The following XKR9 variants were observed in gnomAD, a reference collection of about 807,000 sequenced individuals.
XKR9 encodes XK-related protein 9.
Under a neutral mutation model 32.0 loss-of-function variants are expected in XKR9, and 32 were observed. The observed-to-expected ratio is 1.00, with a 90% CI of 0.76 to 1.34. The LOEUF is 1.34. Ranked by LOEUF, XKR9 falls within the 40% of genes most tolerant of loss-of-function variation. The pLI is 0.00. For missense variants in XKR9, 546 were observed against 429.7 expected, an observed-to-expected ratio of 1.27 and a Z score of -2.39; for synonymous variants, 168 against 143.4, an observed-to-expected ratio of 1.17 and a Z score of -1.22.
At chr8:70,888,409 C>T in the XKR9 span, among the ~76,000 whole-genome samples, 1 of 151,540 alleles carries the variant, frequency 6.6e-6, no homozygotes. Flanking sequence ...CAGGTTGTTT[C>T]TTCAGTCTGT....
chr8:70,816,841 T>G, the XKR9 span, among the ~76,000 whole-genome samples: 2 of 152,130 alleles, frequency 1.3e-5, no homozygotes, highest in Non-Finnish European at 2.9e-5. Context: ...TAATTGTGAT[T>G]CACCACATAA....
chr8:70,795,391 T>A, the XKR9 span, among the ~76,000 whole-genome samples: 1 of 152,206 alleles, frequency 6.6e-6, no homozygotes, highest in South Asian at 2.1e-4. Context: ...GTATTTAGGT[T>A]GATTCCATGT....
chr8:70,889,034 T>A, the XKR9 span, among the ~76,000 whole-genome samples: 2 of 152,000 alleles, frequency 1.3e-5, no homozygotes, highest in African/African-American at 2.4e-5. Flanking sequence ...CGCAGATTGC[T>A]TTTGGTAGTA....
At chr8:70,770,316 C>T (rs1459901424) in intron 2 of XKR9, among the ~76,000 whole-genome samples, 1 of 152,186 alleles carries the variant, frequency 6.6e-6, no homozygotes, top group Admixed American at 6.5e-5. Flanking sequence ...CCTCTGGAAT[C>T]TTCATCCCAG....
At chr8:70,826,848 C>T in the XKR9 span, among the ~76,000 whole-genome samples, 2 of 152,010 alleles carry the variant, frequency 1.3e-5, no homozygotes, top group African/African-American at 2.4e-5. Flanking sequence ...TTGTAATATA[C>T]ATTCATATTC....
chr8:70,717,878 G>A (rs2132207129), intron 4 of XKR9, among the ~76,000 whole-genome samples: 1 of 152,192 alleles, frequency 6.6e-6, no homozygotes, highest in Non-Finnish European at 1.5e-5. Flanking sequence ...TTGCTGCTTA[G>A]AAATTTCTTC....
At chr8:70,975,411 C>A in the XKR9 span, among the ~76,000 whole-genome samples, 5 of 152,008 alleles carry the variant, frequency 3.3e-5, no homozygotes, top group African/African-American at 9.7e-5. Flanking sequence ...CTTGAATTGT[C>A]TTTTGTATAA....
the XKR9 span, among the ~76,000 whole-genome samples, chr8:70,823,552 T>A: frequency 6.6e-6 from 1 of 152,234 alleles, no homozygotes; most frequent in Admixed American, 6.5e-5. Flanking sequence ...TTTCTGCTTA[T>A]CTCTGATAGG....
chr8:70,916,707 CTT>C, the XKR9 span, among the ~76,000 whole-genome samples: 1 of 152,052 alleles, frequency 6.6e-6, no homozygotes, highest in African/African-American at 2.4e-5. Flanking sequence ...TTTGAATTGA[CTT>C]TGTATTTAAT....
At chr8:71,064,009 A>G in the XKR9 span, among the ~76,000 whole-genome samples, 1 of 152,316 alleles carries the variant, frequency 6.6e-6, no homozygotes, top group Admixed American at 6.5e-5. Context: ...TTTAGTAGTT[A>G]CACTCTATTA....
the XKR9 span, among the ~76,000 whole-genome samples, chr8:70,876,884 T>C: frequency 1.3e-5 from 2 of 152,156 alleles, no homozygotes; most frequent in Non-Finnish European, 1.5e-5. Context: ...ATAAATAATG[T>C]AGTACTGTTG....
At chr8:70,807,603 G>C in the XKR9 span, among the ~76,000 whole-genome samples, 1 of 152,060 alleles carries the variant, frequency 6.6e-6, no homozygotes, top group Non-Finnish European at 1.5e-5. Context: ...AAAAGGCAGG[G>C]CTTGCAATCC....
intron 2 of XKR9, among the ~76,000 whole-genome samples, chr8:70,679,323 G>A (rs1258642704): frequency 6.6e-6 from 1 of 152,076 alleles, no homozygotes; most frequent in East Asian, 1.9e-4. Context: ...CATTTACTGG[G>A]CCCTAACTGT....
At chr8:70,961,460 T>C in the XKR9 span, among the ~76,000 whole-genome samples, 1 of 152,144 alleles carries the variant, frequency 6.6e-6, no homozygotes, top group Admixed American at 6.5e-5. Context: ...GACGGGGAAA[T>C]GGGGACGTGT....
At chr8:70,729,044 T>G (rs1806575116) in intron 4 of XKR9, among the ~76,000 whole-genome samples, 1 of 152,174 alleles carries the variant, frequency 6.6e-6, no homozygotes, top group African/African-American at 2.4e-5. Flanking sequence ...GGACAGAGTA[T>G]GAGGCCAGAT....
chr8:71,024,218 A>G, the XKR9 span, among the ~76,000 whole-genome samples: 1 of 151,984 alleles, frequency 6.6e-6, no homozygotes, highest in Non-Finnish European at 1.5e-5. Flanking sequence ...TGCTGGTGGG[A>G]GCAGGGGCAG....
chr8:70,940,329 A>G, the XKR9 span, among the ~76,000 whole-genome samples: 1 of 152,038 alleles, frequency 6.6e-6, no homozygotes, highest in Non-Finnish European at 1.5e-5. Flanking sequence ...TCTACCATCA[A>G]TCAGATATAA....
the XKR9 span, among the ~76,000 whole-genome samples, chr8:70,868,750 T>C: frequency 6.6e-6 from 1 of 152,232 alleles, no homozygotes; most frequent in Non-Finnish European, 1.5e-5. Context: ...TTCAGCTGGC[T>C]TAAATTTCTC....
the XKR9 span, among the ~76,000 whole-genome samples, chr8:70,842,064 A>G: frequency 0.54 from 82,019 of 151,984 alleles, 23,113 homozygotes; most frequent in Middle Eastern, 0.62. Flanking sequence ...CAAAATAGAT[A>G]TCTCATTCCT....
Sources: allele counts gnomAD v4.1 joint callset (sites outside exome capture counted in the v4.1 genomes callset), GRCh38; gene constraint gnomAD v4.1.1; transcripts MANE v1.5; gene names NCBI Gene and HGNC (gene_info 2026-07-23, HGNC 2026-07-21).